The following TMEM95 variants were observed in gnomAD, a reference collection of about 807,000 sequenced individuals.
The protein encoded by TMEM95 is sperm-egg fusion protein TMEM95.
In TMEM95, 21 loss-of-function variants were observed where a neutral mutation model predicts 27.7. That is an observed-to-expected ratio of 0.76 (90% CI 0.54 to 1.09). The LOEUF (loss-of-function observed/expected upper bound fraction) is 1.09, where lower values mean the gene tolerates loss of function less well. Among genes scored for constraint, TMEM95 ranks in the 50% least tolerant of loss-of-function variants. TMEM95 has a pLI of 0.00. For missense variants in TMEM95, 203 were observed against 217.9 expected (o/e 0.93, Z 0.43); for synonymous variants, 77 against 85.7 (o/e 0.90, Z 0.56).
At chr17:7,356,558 C>T (rs745896303) in intron 6 of TMEM95, 41 bp from the exon 7 acceptor site, 4 of 1,612,446 alleles carry the variant, frequency 2.5e-6, no homozygotes, top group South Asian at 1.1e-5. Context: ...CTGTCCCTCC[C>T]AGGCCCCTCC....
Position 7,355,720 on chromosome 17 carries a change from G to A in TMEM95, c.226+78G>A. On this transcript the variant is annotated intron_variant, in intron 2 of 6. Coordinates refer to ENST00000576060, the MANE Select transcript of TMEM95 (RefSeq NM_001320436.2). This position sits in a 1 kb window ranked among gnomAD's most constrained non-coding sequence, Gnocchi z 4.9. ...GGGACGGGTGACAGGGGTTGGGGTGGGCAGGGAAGGGTGGAGGGGTAGAGA... is the reference window on the plus strand; with the variant it reads ...GGGACGGGTGACAGGGGTTGGGGTGAGCAGGGAAGGGTGGAGGGGTAGAGA... 2 of 1,449,704 alleles carry A rather than the reference G, an allele frequency of 1.4e-6. No individual in the cohort carries two copies. The highest frequency in any genetic ancestry group is 1.9e-6 in the Non-Finnish European group (2 of 1,035,676). The allele number at this position is 1,449,704 out of a possible 1,614,324, so 89.8% of individuals were successfully genotyped here.
In TMEM95 at chr17:7,356,635, A is replaced by G. The variant is rs555648267; in HGVS notation, c.*3A>G. ...TCCAAGCAAAAAGTGGCTTGTGAAG[A>G]CGCTGAAAACCTCCCAGCCTCCAGC... On this transcript the variant is annotated 3_prime_UTR_variant, in exon 7 of 7. Transcript: ENST00000576060. 5.0e-6 allele frequency: 8 copies of G among 1,611,828 alleles called. 1 individual carries two copies. The highest frequency in any genetic ancestry group is 5.9e-6 in the Non-Finnish European group (7 of 1,179,020).
Position 7,355,602 on chromosome 17 carries a change from C to T in TMEM95, c.186C>T (p.Asn62=). 3 of 1,556,162 alleles carry T rather than the reference C, an allele frequency of 1.9e-6. No individual in the cohort carries two copies. The East Asian group carries it at 7.3e-5, about 38-fold the overall frequency. ...SAFALDEVSM[N]KVTEKTHRVL... Reference sequence around the variant, plus strand: ...TCTCCACAGATGAGGTGTCCATGAACAAAGTCACAGAGAAGACTCACAGAG... The same window carrying T: ...TCTCCACAGATGAGGTGTCCATGAATAAAGTCACAGAGAAGACTCACAGAG... Residue 62 remains asparagine, a synonymous_variant, in exon 2 of 7, where the codon AAC becomes AAT. Coordinates refer to ENST00000576060, the MANE Select transcript of TMEM95 (RefSeq NM_001320436.2). The surrounding 1 kb of genome is among the most constrained non-coding windows in gnomAD (Gnocchi z 4.9).
At position 7,356,637 on chromosome 17, in the gene TMEM95, G is replaced by C; in HGVS notation, c.*5G>C. On this transcript the variant is annotated 3_prime_UTR_variant, in exon 7 of 7. Transcript: ENST00000576060. ...CAAGCAAAAAGTGGCTTGTGAAGAC[G>C]CTGAAAACCTCCCAGCCTCCAGCTC... The C allele has an allele frequency of 1.2e-6, 2 of 1,611,518 alleles. No homozygotes were observed. Among genetic ancestry groups the C allele is most frequent in the Non-Finnish European group, 1.7e-6 (2 of 1,178,910 alleles).
In TMEM95 at chr17:7,356,953, T is replaced by C; in HGVS notation, c.*321T>C. ...GGAAAATATCTACAGAAGGAAAGAA[T>C]CCCCTACGCCACTCCCACCACACCC... On this transcript the variant is annotated 3_prime_UTR_variant, in exon 7 of 7. Transcript: ENST00000576060. 1.1e-5 allele frequency: 4 copies of C among 373,782 alleles called. No individual in the cohort carries two copies. The highest frequency in any genetic ancestry group is 4.4e-5 in the East Asian group (1 of 22,968). The allele number at this position is 373,782 out of a possible 1,614,324, so 23.2% of individuals were successfully genotyped here.
At position 7,356,796 on chromosome 17, in the gene TMEM95, C is replaced by T. The variant is rs947074032; in HGVS notation, c.*164C>T. 109 of 765,166 alleles carry T rather than the reference C, an allele frequency of 1.4e-4. No homozygotes were observed. In the African/African-American group the frequency reaches 1.8e-3, roughly 13 times the overall value. The allele number at this position is 765,166 out of a possible 1,614,324, so 47.4% of individuals were successfully genotyped here. A position where few individuals can be genotyped will look rare whatever the true frequency, so the allele number is the denominator to read the frequency against. ...TTCTGGTTGGTGAGATAATGAAAAA[C>T]AAGAAAATCCCCAAAAACCCAGATC... On this transcript the variant is annotated 3_prime_UTR_variant, in exon 7 of 7. Transcript: ENST00000576060.
In TMEM95 at chr17:7,356,798, A is replaced by G; in HGVS notation, c.*166A>G. On this transcript the variant is annotated 3_prime_UTR_variant, in exon 7 of 7. Transcript: ENST00000576060. ...CTGGTTGGTGAGATAATGAAAAACA[A>G]GAAAATCCCCAAAAACCCAGATCCC... is the stretch of plus-strand genomic sequence containing the variant. 1.3e-6 allele frequency: 1 copy of G among 758,966 alleles called. No individual in the cohort carries two copies. The highest frequency in any genetic ancestry group is 3.2e-5 in the Admixed American group (1 of 31,018). The allele number at this position is 758,966 out of a possible 1,614,324, so 47.0% of individuals were successfully genotyped here.
chr17:7,355,845 A>G lies in TMEM95; in HGVS notation c.234A>G (p.Lys78=). 6.2e-7 allele frequency: 1 copy of G among 1,613,946 alleles called. No individual in the cohort carries two copies. Among genetic ancestry groups the G allele is most frequent in the Non-Finnish European group, 8.5e-7 (1 of 1,179,952 alleles). The stretch of plus-strand genomic sequence containing the variant: ...TGCTGTCTGCCTCCCCAGAAATCAA[A>G]GAGGCTGTCTCCTCACTCCCTTCAT... ...THRVLRVMEI[K]EAVSSLPSYW... The change falls in exon 3 of 7, where the codon AAA becomes AAG. Residue 78 remains lysine (K), a synonymous_variant. Transcript: ENST00000576060. This position sits in a 1 kb window ranked among gnomAD's most constrained non-coding sequence, Gnocchi z 4.9.
chr17:7,356,457 G>T lies in TMEM95; in HGVS notation c.475G>T (p.Gly159Cys), dbSNP rs779018642. The change falls in exon 6 of 7, where the codon GGT becomes TGT. Residue 159 changes from glycine to cysteine, a missense_variant. Coordinates refer to ENST00000576060, the MANE Select transcript of TMEM95 (RefSeq NM_001320436.2). ...CATCTTCGGAGCTTTCCTGCTTCTG[G>T]GTGTTCTGAGCCTCCTGGTGGAGTG... ...LSIFGAFLLL[G>C]VLSLLVESHH... The T allele has an allele frequency of 6.2e-7, 1 of 1,613,994 alleles. No individual in the cohort carries two copies. The highest frequency in any genetic ancestry group is 8.5e-7 in the Non-Finnish European group (1 of 1,180,002).
rs1421709746 is a variant in TMEM95, at chr17:7,355,782, G to C, written c.227-56G>C. 5.7e-6 allele frequency: 9 copies of C among 1,588,734 alleles called. No individual in the cohort carries two copies. The South Asian group carries it at 7.7e-5, about 14-fold the overall frequency. ...ATCAGGGAGGGGCTGCGTGAAGAGA[G>C]GGGGAACTGGCCCCGTCGAGGCCCA... On this transcript the variant is annotated intron_variant, in intron 2 of 6. Coordinates refer to ENST00000576060, the MANE Select transcript of TMEM95 (RefSeq NM_001320436.2). The surrounding 1 kb of genome is among the most constrained non-coding windows in gnomAD (Gnocchi z 4.9).
In TMEM95 at chr17:7,355,458, C is replaced by G; in HGVS notation, c.169+85C>G. On this transcript the variant is annotated intron_variant, in intron 1 of 6. Transcript: ENST00000576060. This position sits in a 1 kb window ranked among gnomAD's most constrained non-coding sequence, Gnocchi z 4.9. Reference sequence around the variant, plus strand: ...TGGCATGTGACCTTCCAGCTGTGCCCTCCATCTGTGGCCCTTTCTGGACAT... The same window carrying G: ...TGGCATGTGACCTTCCAGCTGTGCCGTCCATCTGTGGCCCTTTCTGGACAT... 4 of 1,554,996 alleles carry G rather than the reference C, an allele frequency of 2.6e-6. No individual in the cohort carries two copies. In the South Asian group the frequency reaches 4.8e-5, roughly 19 times the overall value.
In TMEM95 at chr17:7,356,589, C is replaced by T; in HGVS notation, c.498-10C>T. On this transcript the variant is annotated splice_polypyrimidine_tract_variant and intron_variant, in intron 6 of 6. Coordinates refer to ENST00000576060, the MANE Select transcript of TMEM95 (RefSeq NM_001320436.2). The stretch of plus-strand genomic sequence containing the variant: ...CCTCCCGTAGGCTTCCCACCCTCGT[C>T]TTCCCTCAGGTCCCACCACCTCCAA... The T allele has an allele frequency of 6.2e-7, 1 of 1,610,836 alleles. No homozygotes were observed. Among genetic ancestry groups the T allele is most frequent in the Non-Finnish European group, 8.5e-7 (1 of 1,178,286 alleles).
At position 7,355,702 on chromosome 17, in the gene TMEM95, G is replaced by T; in HGVS notation, c.226+60G>T. On this transcript the variant is annotated intron_variant, in intron 2 of 6. Coordinates refer to ENST00000576060, the MANE Select transcript of TMEM95 (RefSeq NM_001320436.2). The surrounding 1 kb of genome is among the most constrained non-coding windows in gnomAD (Gnocchi z 4.9). ...GGGAGGATACCAAGGAGAGGGACGG[G>T]TGACAGGGGTTGGGGTGGGCAGGGA... 1.5e-6 allele frequency: 2 copies of T among 1,347,902 alleles called. No individual in the cohort carries two copies. The highest frequency in any genetic ancestry group is 2.1e-6 in the Non-Finnish European group (2 of 949,756). 83.5% of individuals were successfully genotyped at this position (1,347,902 alleles called of 1,614,324 possible).
chr17:7,357,062 C>T lies in TMEM95; in HGVS notation c.*430C>T, dbSNP rs1022750977. The T allele has an allele frequency of 1.5e-5, 3 of 205,896 alleles. No individual in the cohort carries two copies. The highest frequency in any genetic ancestry group is 5.7e-5 in the Admixed American group (1 of 17,684). The allele number at this position is 205,896 out of a possible 1,614,324, so 12.8% of individuals were successfully genotyped here. Reference sequence around the variant, plus strand: ...GCCCTCCTATGACTGATGGGGAATCCGGGAATGCATGTTCTGGAAAACTCA... The same window carrying T: ...GCCCTCCTATGACTGATGGGGAATCTGGGAATGCATGTTCTGGAAAACTCA... On this transcript the variant is annotated 3_prime_UTR_variant, in exon 7 of 7. Coordinates refer to ENST00000576060, the MANE Select transcript of TMEM95 (RefSeq NM_001320436.2).
chr17:7,355,630 CTGAGGGTCATGGG>C lies in TMEM95; in HGVS notation c.220_226+6del. The C allele has an allele frequency of 6.4e-7, 1 of 1,559,004 alleles. No individual in the cohort carries two copies. Among genetic ancestry groups the C allele is most frequent in the Non-Finnish European group, 8.7e-7 (1 of 1,150,860 alleles). ...AGTCACAGAGAAGACTCACAGAGTCCTGAGGGTCATGGGTGAGGTCAAGGGGAAAGAGTGACCT... is the reference window on the plus strand; with the variant it reads ...AGTCACAGAGAAGACTCACAGAGTCCTGAGGTCAAGGGGAAAGAGTGACCT... On this transcript the variant is annotated splice_donor_variant and coding_sequence_variant, in exon 2 of 7. Coordinates refer to ENST00000576060, the MANE Select transcript of TMEM95 (RefSeq NM_001320436.2). LOFTEE classifies it high-confidence loss of function. This position sits in a 1 kb window ranked among gnomAD's most constrained non-coding sequence, Gnocchi z 4.9.
rs780537447 is a variant in TMEM95 at position 7,356,125 on chromosome 17, G to A, written c.329-71G>A. 6.2e-6 allele frequency: 10 copies of A among 1,608,732 alleles called. No individual in the cohort carries two copies. The East Asian group carries it at 2.2e-4, about 36-fold the overall frequency. ...AGAGGAGGGCCTGGCAGCTGCAGGA[G>A]GAAGCTGGGTACCAGGCAGGGTGGA... On this transcript the variant is annotated intron_variant, in intron 4 of 6. Coordinates refer to ENST00000576060, the MANE Select transcript of TMEM95 (RefSeq NM_001320436.2).
In TMEM95 at chr17:7,356,751, T is replaced by C. The variant is rs1169767529; in HGVS notation, c.*119T>C. ...AGCTCCAAAGACAGTCTCCAGACCC[T>C]AAAACCCAGACATCCCTGCTTCTGG... is the stretch of plus-strand genomic sequence containing the variant. On this transcript the variant is annotated 3_prime_UTR_variant, in exon 7 of 7. Coordinates refer to ENST00000576060, the MANE Select transcript of TMEM95 (RefSeq NM_001320436.2). 9.1e-7 allele frequency: 1 copy of C among 1,100,476 alleles called. No individual in the cohort carries two copies. Among genetic ancestry groups the C allele is most frequent in the Non-Finnish European group, 1.3e-6 (1 of 761,658 alleles). 68.2% of individuals were successfully genotyped at this position (1,100,476 alleles called of 1,614,324 possible).
chr17:7,356,688 A>T lies in TMEM95; in HGVS notation c.*56A>T, dbSNP rs761860203. 6.3e-7 allele frequency: 1 copy of T among 1,594,644 alleles called. No individual in the cohort carries two copies. The highest frequency in any genetic ancestry group is 8.6e-7 in the Non-Finnish European group (1 of 1,164,960). On this transcript the variant is annotated 3_prime_UTR_variant, in exon 7 of 7. Coordinates refer to ENST00000576060, the MANE Select transcript of TMEM95 (RefSeq NM_001320436.2). Reference sequence around the variant, plus strand: ...TAAGGGGTATGCACTCACAACTTCCACATCCCTTGGAGGGGAACCAGTCAG... The same window carrying T: ...TAAGGGGTATGCACTCACAACTTCCTCATCCCTTGGAGGGGAACCAGTCAG...
rs757553124 is a variant in TMEM95 at position 7,355,999 on chromosome 17, C to T, written c.308-30C>T. On this transcript the variant is annotated intron_variant, in intron 3 of 6. Coordinates refer to ENST00000576060, the MANE Select transcript of TMEM95 (RefSeq NM_001320436.2). The surrounding 1 kb of genome is among the most constrained non-coding windows in gnomAD (Gnocchi z 4.9). ...GTGGTGAGCAGCTCATCCATTCACA[C>T]CCCCACCCCTTCCTTGTCTTTCATT... The T allele has an allele frequency of 6.8e-6, 11 of 1,613,468 alleles. No homozygotes were observed. Among genetic ancestry groups the T allele is most frequent in the African/African-American group, 2.7e-5 (2 of 74,872 alleles).
Sources: allele counts gnomAD v4.1 joint callset, GRCh38; gene constraint gnomAD v4.1.1; non-coding constraint Gnocchi (gnomAD v3.1); transcripts MANE v1.5; gene names NCBI Gene and HGNC (gene_info 2026-07-23, HGNC 2026-07-21).